The following FAM186A variants were observed in gnomAD, a reference collection of about 807,000 sequenced individuals.
The protein encoded by FAM186A is protein FAM186A.
FAM186A carries 163 observed loss-of-function variants against 216.8 expected under a neutral mutation model. That is an observed-to-expected ratio of 0.75 (90% confidence interval 0.66 to 0.86). The LOEUF (loss-of-function observed/expected upper bound fraction) is 0.86. Ranked by LOEUF, FAM186A falls within the 40% of genes least tolerant of loss-of-function variation. FAM186A has a pLI of 0.00. For synonymous variants in FAM186A, 805 were observed against 1,025.3 expected, an observed-to-expected ratio of 0.79 and a Z score of 4.10; for missense variants, 2,184 against 2,746.2, an observed-to-expected ratio of 0.80 and a Z score of 4.58.
At chr12:50,333,270 G>A (rs1452287359) in intron 5 of FAM186A, among the ~76,000 whole-genome samples, 3 of 151,998 alleles carry the variant, frequency 2.0e-5, no homozygotes, top group African/African-American at 7.2e-5. Context: ...GGTGGCTCAC[G>A]CCTGTAATCC....
intron 4 of FAM186A, among the ~76,000 whole-genome samples, chr12:50,344,059 T>A (rs2138766796): frequency 6.6e-6 from 1 of 151,842 alleles, no homozygotes; most frequent in African/African-American, 2.4e-5. Flanking sequence ...CCAGTCTATT[T>A]TTTTTTTTTT....
chr12:50,331,523 T>C (rs948081341), intron 6 of FAM186A, 147 bp downstream of exon 6: 1 of 717,402 alleles, frequency 1.4e-6, no homozygotes, highest in Non-Finnish European at 2.1e-6. Flanking sequence ...ATTACAGGCA[T>C]GAGCCACCGC....
At chr12:50,375,306 G>A (rs991234095) in intron 1 of FAM186A, among the ~76,000 whole-genome samples, 7 of 152,122 alleles carry the variant, frequency 4.6e-5, no homozygotes, top group Non-Finnish European at 8.8e-5. Context: ...CCAGCAATTT[G>A]GGAGGCCAAG....
chr12:50,354,073 G>T lies in FAM186A; in HGVS notation c.2759C>A (p.Ser920Ter). The T allele has an allele frequency of 6.4e-7, 1 of 1,551,672 alleles. No homozygotes were observed. Among genetic ancestry groups the T allele is most frequent in the African/African-American group, 1.4e-5 (1 of 73,136 alleles). The change falls in exon 4 of 8, where the codon TCA becomes TAA. Residue 920 changes from serine (S) to a stop codon, truncating the protein, a stop_gained. Transcript: ENST00000327337. LOFTEE classifies it high-confidence loss of function. ...CCCTTCTTCCAGCCGCTGCAGGCTT[G>T]ACTTTGGAAGCTCTTCTTCCTCCTG... ...RGQEEEELPK[S>*]SLQRLEEGTQ... is the part of the protein sequence containing the mutation.
In FAM186A at chr12:50,355,638, C is replaced by A; in HGVS notation, c.1194G>T (p.Gly398=). 6.4e-7 allele frequency: 1 copy of A among 1,551,400 alleles called. No individual in the cohort carries two copies. Among genetic ancestry groups the A allele is most frequent in the East Asian group, 2.4e-5 (1 of 40,908 alleles). Residue 398 remains glycine (G), a synonymous_variant, in exon 4 of 8, where the codon GGG becomes GGT. Transcript: ENST00000327337. ...EVQRKETKDS[G]IKWDSTISYT... ...ATGAAATAGTGGAGTCCCATTTTATCCCAGAGTCCTTGGTCTCTTTTCTTT... is the reference window on the plus strand; with the variant it reads ...ATGAAATAGTGGAGTCCCATTTTATACCAGAGTCCTTGGTCTCTTTTCTTT...
At chr12:50,371,442 A>G (rs968782631) in intron 1 of FAM186A, among the ~76,000 whole-genome samples, 4 of 152,130 alleles carry the variant, frequency 2.6e-5, no homozygotes, top group Non-Finnish European at 4.4e-5. Context: ...TAAAATATAC[A>G]TAATAGAATG....
Position 50,353,889 on chromosome 12 carries a change from C to T in FAM186A, c.2943G>A (p.Gln981=). 2.6e-6 allele frequency: 4 copies of T among 1,552,028 alleles called. No homozygotes were observed. Among genetic ancestry groups the T allele is most frequent in the Non-Finnish European group, 3.5e-6 (4 of 1,147,204 alleles). Residue 981 remains glutamine (Q), a synonymous_variant, in exon 4 of 8, where the codon CAG becomes CAA. Transcript: ENST00000327337. ...PERGLEDLER[Q]IKTKDQMQMK... ...TCTGCATCTGATCCTTTGTTTTGAT[C>T]TGCCTTTCGAGGTCCTCTAGCCCTC...
intron 4 of FAM186A, among the ~76,000 whole-genome samples, chr12:50,338,964 C>A (rs1325707673): frequency 6.6e-6 from 1 of 152,234 alleles, no homozygotes; most frequent in East Asian, 1.9e-4. Flanking sequence ...CATGATTCTC[C>A]TATAAAATTT....
At chr12:50,356,489 C>T (rs374209470) in intron 3 of FAM186A, among the ~76,000 whole-genome samples, 4 of 152,026 alleles carry the variant, frequency 2.6e-5, no homozygotes, top group African/African-American at 9.7e-5. Context: ...TCCTTGTTTC[C>T]CAGGCTGGAG....
chr12:50,382,246 C>CAAA, intron 1 of FAM186A, among the ~76,000 whole-genome samples: 2 of 57,182 alleles, frequency 3.5e-5, no homozygotes, highest in East Asian at 3.9e-4. Flanking sequence ...AACTCCAACT[C>CAAA]AAAAAAAAAA....
At chr12:50,392,189 C>T (rs975707702) in intron 1 of FAM186A, among the ~76,000 whole-genome samples, 1 of 152,086 alleles carries the variant, frequency 6.6e-6, no homozygotes, top group Non-Finnish European at 1.5e-5. Context: ...TATAAAGCAG[C>T]ATGAAGAAAC....
chr12:50,360,957 G>A (rs768856863), intron 2 of FAM186A, 31 bp from the exon 3 acceptor site: 1 of 1,491,082 alleles, frequency 6.7e-7, no homozygotes, highest in South Asian at 1.3e-5. Context: ...AATCATTTTT[G>A]TGCAGAAAAA....
Position 50,331,803 on chromosome 12 carries a change from A to G in FAM186A, c.6715T>C (p.Leu2239=), listed in dbSNP as rs746328939. 6.5e-7 allele frequency: 1 copy of G among 1,531,360 alleles called. No individual in the cohort carries two copies. The allele number at this position is 1,531,360 out of a possible 1,614,324, so 94.9% of individuals were successfully genotyped here. A position where few individuals can be genotyped will look rare whatever the true frequency, so the allele number is the denominator to read the frequency against. Residue 2239 remains leucine, a synonymous_variant, in exon 6 of 8, where the codon TTG becomes CTG. Transcript: ENST00000327337. ...VFNQLKKIHE[L]NLSQPIPLII... is the part of the protein sequence containing the mutation. ...AAGGGGATAGGTTGACTAAGATTCA[A>G]TTCATGTATCTTTTTGAGCTATAAA...
Position 50,355,302 on chromosome 12 carries a change from A to G in FAM186A, c.1530T>C (p.Ser510=), listed in dbSNP as rs1166618402. 17 of 1,550,736 alleles carry G rather than the reference A, an allele frequency of 1.1e-5. 1 individual carries two copies. In the East Asian group the frequency reaches 3.7e-4, roughly 33 times the overall value. ...KKKRKEMKSF[S]EDKSKSPTEA... is the part of the protein sequence containing the mutation. ...CAGTGGGTGACTTTGATTTATCTTC[A>G]GAAAAGGATTTCATTTCTTTTCTTT... Residue 510 remains serine (S), a synonymous_variant, in exon 4 of 8, where the codon TCT becomes TCC. Coordinates refer to ENST00000327337, the MANE Select transcript of FAM186A (RefSeq NM_001145475.3).
At chr12:50,382,788 A>G (rs1342394568) in intron 1 of FAM186A, among the ~76,000 whole-genome samples, 1 of 152,108 alleles carries the variant, frequency 6.6e-6, no homozygotes, top group Non-Finnish European at 1.5e-5. Context: ...TTTTTACAGA[A>G]TTTACTTGTT....
Position 50,379,482 on chromosome 12 carries a change from AAAC to A in FAM186A, c.193-16121_193-16119del, listed in dbSNP as rs754719905. On this transcript the variant is annotated intron_variant, in intron 1 of 7. Coordinates refer to ENST00000327337, the MANE Select transcript of FAM186A (RefSeq NM_001145475.3). Reference sequence around the variant, plus strand: ...AAAAAAGAGGGAAAAACAAAAACAAAAACAAAAAAAAACTAAAGCACAGGCCGG... The same window carrying A: ...AAAAAAGAGGGAAAAACAAAAACAAAAAAAAAAAACTAAAGCACAGGCCGG... 0.019 allele frequency among the ~76,000 whole-genome samples: 222 copies of A among 11,860 alleles called. 4 individuals carry two copies. In the East Asian group the frequency reaches 0.22, roughly 12 times the overall value. 7.8% of individuals were successfully genotyped at this position (11,860 alleles called of 152,430 possible).
In FAM186A at chr12:50,355,037, C is replaced by G; in HGVS notation, c.1795G>C (p.Glu599Gln). 6.4e-7 allele frequency: 1 copy of G among 1,551,682 alleles called. No individual in the cohort carries two copies. Among genetic ancestry groups the G allele is most frequent in the South Asian group, 1.2e-5 (1 of 84,054 alleles). Residue 599 changes from glutamate to glutamine, a missense_variant, in exon 4 of 8, where the codon GAG (glutamate) becomes CAG (glutamine). By Grantham distance (29) the Glu-to-Gln change is conservative (BLOSUM62 2). Around this residue, in one of 7 missense-constraint regions of FAM186A, gnomAD observed 1,132 missense variants for 1,263.4 expected, o/e 0.90. Coordinates refer to ENST00000327337, the MANE Select transcript of FAM186A (RefSeq NM_001145475.3). ...CCTTTTATTTTTCCTTTCTGTGGCT[C>G]AGCAGTATCATCAAATTGGATCATA... is the stretch of plus-strand genomic sequence containing the variant. ...LSMIQFDDTA[E>Q]PQKGKIKGKK...
In FAM186A at chr12:50,350,558, C is replaced by T; in HGVS notation, c.6274G>A (p.Val2092Met). ...VSDTKKPKVMVPPSSPQELEE... is the reference protein window; with the variant it reads ...VSDTKKPKVMMPPSSPQELEE... ...AGTTCTTGAGGAGAGGAAGGGGGCA[C>T]CATTACTTTGGGTTTCTTGGTATCT... The change falls in exon 4 of 8, where the codon GTG becomes ATG. Residue 2092 changes from valine (V) to methionine (M), a missense_variant. Val to Met is a conservative substitution (Grantham distance 21, BLOSUM62 1). Coordinates refer to ENST00000327337, the MANE Select transcript of FAM186A (RefSeq NM_001145475.3). 1 of 1,551,548 alleles carries T rather than the reference C, an allele frequency of 6.4e-7. No homozygotes were observed. Among genetic ancestry groups the T allele is most frequent in the Admixed American group, 2.0e-5 (1 of 50,966 alleles).
In FAM186A at chr12:50,353,390, T is replaced by C. The variant is rs1310460470; in HGVS notation, c.3442A>G (p.Thr1148Ala). ...QQTQVQGITL[T>A]PQQDQAPGIS... ...CCCGGGGCCTGGTCCTGCTGAGGGGTGAGAGTGATCCCTTGAACCTGGGTC... is the reference window on the plus strand; with the variant it reads ...CCCGGGGCCTGGTCCTGCTGAGGGGCGAGAGTGATCCCTTGAACCTGGGTC... The change falls in exon 4 of 8, where the codon ACC becomes GCC. Residue 1148 changes from threonine (T) to alanine (A), a missense_variant. Thr to Ala is a moderately conservative substitution (Grantham distance 58, BLOSUM62 0). Around this residue, in one of 7 missense-constraint regions of FAM186A, gnomAD observed 267 missense variants for 446.2 expected, o/e 0.60. Coordinates refer to ENST00000327337, the MANE Select transcript of FAM186A (RefSeq NM_001145475.3). 4.6e-6 allele frequency: 7 copies of C among 1,531,962 alleles called. No homozygotes were observed. The highest frequency in any genetic ancestry group is 6.1e-6 in the Non-Finnish European group (7 of 1,138,478). 94.9% of individuals were successfully genotyped at this position (1,531,962 alleles called of 1,614,324 possible).
Sources: allele counts gnomAD v4.1 joint callset (sites outside exome capture counted in the v4.1 genomes callset), GRCh38; gene constraint gnomAD v4.1.1; regional missense constraint gnomAD v4.1.1; transcripts MANE v1.5; gene names NCBI Gene and HGNC (gene_info 2026-07-23, HGNC 2026-07-21).